The following GRAMD1C variants were observed in gnomAD, a reference collection of about 807,000 sequenced individuals.
The protein encoded by GRAMD1C is GRAM domain containing 1C.
In GRAMD1C, 89 loss-of-function variants were observed where a neutral mutation model predicts 97.8. The ratio of observed to expected loss-of-function variants is 0.91; its 90% confidence interval spans 0.77 to 1.09. The LOEUF is 1.09. GRAMD1C is among the 50% of genes least tolerant of loss of function. The pLI is 0.00. For missense variants in GRAMD1C, 740 were observed against 766.4 expected, an observed-to-expected ratio of 0.97 and a Z score of 0.41; for synonymous variants, 256 against 267.0, an observed-to-expected ratio of 0.96 and a Z score of 0.40.
chr3:113,837,400 T>C (rs1484604352), upstream of GRAMD1C, among the ~76,000 whole-genome samples: 1 of 152,212 alleles, frequency 6.6e-6, no homozygotes, highest in Non-Finnish European at 1.5e-5. Context: ...TCTCAGGAAG[T>C]CCCAATGACA....
chr3:113,868,095 G>T (rs930443591), intron 2 of GRAMD1C, among the ~76,000 whole-genome samples: 6 of 152,082 alleles, frequency 3.9e-5, no homozygotes, highest in Non-Finnish European at 8.8e-5. Flanking sequence ...TTATTTGATT[G>T]TAGTTTTCAA....
chr3:113,939,839 T>C (rs577406690), intron 15 of GRAMD1C, 47 bp from the exon 16 acceptor site: 6 of 972,624 alleles, frequency 6.2e-6, no homozygotes, highest in South Asian at 3.9e-5. Context: ...TTAGCAATGC[T>C]TTAGGTCTGG....
At chr3:113,847,848 C>T (rs986477265) in intron 2 of GRAMD1C, among the ~76,000 whole-genome samples, 6 of 152,076 alleles carry the variant, frequency 3.9e-5, no homozygotes. Context: ...AAACAAAACA[C>T]AAGGAAGACA....
intron 9 of GRAMD1C, among the ~76,000 whole-genome samples, chr3:113,910,738 C>T (rs535413287): frequency 1.9e-4 from 29 of 152,076 alleles, no homozygotes; most frequent in Admixed American, 5.9e-4. Flanking sequence ...GATAAGTGGG[C>T]TGCTGATGGA....
intron 2 of GRAMD1C, among the ~76,000 whole-genome samples, chr3:113,868,400 T>C (rs933851289): frequency 6.6e-6 from 1 of 152,188 alleles, no homozygotes; most frequent in African/African-American, 2.4e-5. Context: ...ATTTAGATAA[T>C]ATATTGCAGC....
At chr3:113,883,871 G>T (rs1358581782) in intron 6 of GRAMD1C, among the ~76,000 whole-genome samples, 1 of 152,150 alleles carries the variant, frequency 6.6e-6, no homozygotes, top group Non-Finnish European at 1.5e-5. Context: ...GGGACTGCGT[G>T]TGGTGGCTCA....
chr3:113,943,108 C>G (rs1396268720), intron 17 of GRAMD1C, among the ~76,000 whole-genome samples: 1 of 152,136 alleles, frequency 6.6e-6, no homozygotes, highest in African/African-American at 2.4e-5. Context: ...TTATTCCACT[C>G]ATTCACTCTT....
rs142774595 is a variant in GRAMD1C, at chr3:113,934,307, T to C, written c.1353-125T>C. The C allele has an allele frequency of 1.8e-3, 1,074 of 586,370 alleles. 9 individuals carry two copies. In the East Asian group the frequency reaches 0.018, roughly 10 times the overall value. 36.3% of individuals were successfully genotyped at this position (586,370 alleles called of 1,614,324 possible). ...AAGTTATCAATGAACACATTTTCTT[T>C]TATGATATTAATGACTTTGAATCTT... On this transcript the variant is annotated intron_variant, in intron 12 of 17. Transcript: ENST00000358160.
At chr3:113,847,871 G>A (rs1577120038) in intron 2 of GRAMD1C, among the ~76,000 whole-genome samples, 1 of 152,186 alleles carries the variant, frequency 6.6e-6, no homozygotes, top group Admixed American at 6.5e-5. Context: ...TAGCATAACA[G>A]GAATGTATTC....
intron 6 of GRAMD1C, chr3:113,897,588 C>T: frequency 1.0e-6 from 1 of 980,838 alleles, no homozygotes; most frequent in African/African-American, 1.7e-5. Context: ...AAAAGCTTCT[C>T]ATAGCAAAAC....
Position 113,904,266 on chromosome 3 carries a change from A to C in GRAMD1C, c.783A>C (p.Ser261=). 1.9e-6 allele frequency: 3 copies of C among 1,598,794 alleles called. No homozygotes were observed. The highest frequency in any genetic ancestry group is 2.6e-6 in the Non-Finnish European group (3 of 1,166,174). The change falls in exon 8 of 18, where the codon TCA becomes TCC. Residue 261 remains serine (S), a synonymous_variant. Coordinates refer to ENST00000358160, the MANE Select transcript of GRAMD1C (RefSeq NM_017577.5). ...CAGAGTCATTCGATGGAAATTCATC[A>C]AAAGGAGTTAGTATATGATATCCCT... The part of the protein sequence containing the change: ...SETESFDGNS[S]KGGLGKEESQ...
intron 2 of GRAMD1C, among the ~76,000 whole-genome samples, chr3:113,858,115 T>C (rs1415852162): frequency 6.6e-6 from 1 of 152,190 alleles, no homozygotes; most frequent in African/African-American, 2.4e-5. Flanking sequence ...TATCTGGGCC[T>C]GGAGATTTCT....
chr3:113,850,394 GGTCGCTC>G (rs1320674048), intron 2 of GRAMD1C: 2 of 874,690 alleles, frequency 2.3e-6, no homozygotes, highest in East Asian at 4.9e-5. Context: ...GAGTCTTGCA[GGTCGCTC>G]ACCCTCCAGA....
At chr3:113,880,837 C>G (rs1935230427) in intron 5 of GRAMD1C, among the ~76,000 whole-genome samples, 3 of 152,186 alleles carry the variant, frequency 2.0e-5, no homozygotes, top group Admixed American at 2.0e-4. Context: ...AGCCAATTCA[C>G]AGTACTAACA....
chr3:113,908,035 G>T (rs116284600), intron 8 of GRAMD1C, among the ~76,000 whole-genome samples: 2 of 152,028 alleles, frequency 1.3e-5, no homozygotes, highest in African/African-American at 2.4e-5. Context: ...TTGTGTCCTC[G>T]GTCCCAGTTG....
intron 10 of GRAMD1C, among the ~76,000 whole-genome samples, chr3:113,921,223 G>A (rs1937040841): frequency 6.6e-6 from 1 of 152,158 alleles, no homozygotes; most frequent in Non-Finnish European, 1.5e-5. Context: ...CATACATGTT[G>A]CTACAAAGGG....
intron 7 of GRAMD1C, among the ~76,000 whole-genome samples, chr3:113,902,749 C>T (rs1165994386): frequency 2.6e-5 from 4 of 151,680 alleles, no homozygotes; most frequent in East Asian, 1.9e-4. Context: ...TGGGTTCAAG[C>T]GATTCTCCTG....
intron 6 of GRAMD1C, among the ~76,000 whole-genome samples, chr3:113,898,422 C>T (rs1172022652): frequency 6.6e-6 from 1 of 152,016 alleles, no homozygotes; most frequent in African/African-American, 2.4e-5. Context: ...AAGATAATTT[C>T]TTTGGAAGAA....
intron 2 of GRAMD1C, among the ~76,000 whole-genome samples, chr3:113,865,704 A>G (rs1934556999): frequency 6.6e-6 from 1 of 152,328 alleles, no homozygotes; most frequent in East Asian, 1.9e-4. Flanking sequence ...CTTTGTTTAC[A>G]TGTGTATTAG....
Sources: allele counts gnomAD v4.1 joint callset (sites outside exome capture counted in the v4.1 genomes callset), GRCh38; gene constraint gnomAD v4.1.1; transcripts MANE v1.5; gene names NCBI Gene and HGNC (gene_info 2026-07-23, HGNC 2026-07-21).